Variants in ASH1L observed in about 807,000 individuals in gnomAD.
The protein encoded by ASH1L is histone-lysine N-methyltransferase ASH1L.
In ASH1L, 23 loss-of-function variants were observed where a neutral mutation model predicts 269.0. The observed-to-expected ratio is 0.09, with a 90% CI of 0.06 to 0.12. ASH1L has a LOEUF of 0.12. ASH1L is among the 10% of genes least tolerant of loss of function. ASH1L has a pLI of 1.00. For missense variants in ASH1L, 2,912 were observed against 3,567.8 expected (o/e 0.82, Z 4.68); for synonymous variants, 1,187 against 1,253.5 (o/e 0.95, Z 1.12).
chr1:155,523,506 T>G (rs758205908), intron 1 of ASH1L, among the ~76,000 whole-genome samples: 1 of 152,158 alleles, frequency 6.6e-6, no homozygotes, highest in African/African-American at 2.4e-5. Flanking sequence ...GAAAAAATAG[T>G]TGTCTTATGA....
intron 10 of ASH1L, among the ~76,000 whole-genome samples, chr1:155,371,296 C>T (rs1655919893): frequency 6.6e-6 from 1 of 152,060 alleles, no homozygotes; most frequent in South Asian, 2.1e-4. Context: ...GCCTGTAATC[C>T]CAGCACTTTG....
intron 2 of ASH1L, among the ~76,000 whole-genome samples, chr1:155,504,309 T>G (rs1667685285): frequency 6.6e-6 from 1 of 152,174 alleles, no homozygotes; most frequent in South Asian, 2.1e-4. Flanking sequence ...GCTTTGCCAG[T>G]TGTACCCTGA....
chr1:155,538,490 C>T (rs1277546305), intron 1 of ASH1L, among the ~76,000 whole-genome samples: 3 of 151,600 alleles, frequency 2.0e-5, no homozygotes, highest in Admixed American at 6.6e-5. Flanking sequence ...CCCGAGTAGC[C>T]GGGACTACAG....
At position 155,480,900 on chromosome 1, in the gene ASH1L, G is replaced by A; in HGVS notation, c.1970C>T (p.Thr657Ile). The change falls in exon 3 of 28, where the codon ACT becomes ATT. Residue 657 changes from threonine to isoleucine, a missense_variant. By Grantham distance (89) the Thr-to-Ile change is moderately conservative. Around this residue, in one of 13 missense-constraint regions of ASH1L, gnomAD observed 715 missense variants for 721.0 expected, o/e 0.99. Transcript: ENST00000392403. ...AATAGTATGAATGCTGGATTCAGAA[G>A]TCAAACTTGGCTTTTTTCCAAGGGA... ...SSSLGKKPSL[T>I]SESSIHTITP... 1.9e-6 allele frequency: 3 copies of A among 1,613,912 alleles called. No individual in the cohort carries two copies. The highest frequency in any genetic ancestry group is 2.2e-5 in the South Asian group (2 of 91,018).
chr1:155,555,434 T>C (rs2148920563), intron 1 of ASH1L, among the ~76,000 whole-genome samples: 1 of 146,832 alleles, frequency 6.8e-6, no homozygotes, highest in African/African-American at 2.5e-5. Flanking sequence ...GAGGCAGAGG[T>C]TGCAGTGAGC....
intron 19 of ASH1L, 40 bp downstream of exon 19, chr1:155,349,287 A>C: frequency 6.3e-7 from 1 of 1,590,432 alleles, no homozygotes; most frequent in Non-Finnish European, 8.6e-7. Context: ...TTCTTTTCAG[A>C]ACAAACTTGT....
In ASH1L at chr1:155,546,205, C is replaced by A. The variant is rs1670810205; in HGVS notation, c.-100+15948G>T. On this transcript the variant is annotated intron_variant, in intron 1 of 27. Transcript: ENST00000392403. Reference sequence around the variant, plus strand: ...AATTAGCCAGGTGTGGTGGCATGCACCTGTGGTCCCAGCTACGTGGTAGGC... The same window carrying A: ...AATTAGCCAGGTGTGGTGGCATGCAACTGTGGTCCCAGCTACGTGGTAGGC... Among the ~76,000 whole-genome samples, 3 of 148,564 alleles carry A rather than the reference C, an allele frequency of 2.0e-5. No homozygotes were observed. In the Admixed American group the frequency reaches 2.0e-4, roughly 10 times the overall value.
At chr1:155,408,531 A>C (rs1474189150) in intron 6 of ASH1L, among the ~76,000 whole-genome samples, 5 of 152,168 alleles carry the variant, frequency 3.3e-5, no homozygotes, top group Admixed American at 2.6e-4. Flanking sequence ...CAAGTCTGAT[A>C]AACAACAGCA....
chr1:155,345,877 G>C (rs1322236469), intron 21 of ASH1L: 2 of 229,828 alleles, frequency 8.7e-6, no homozygotes, highest in Non-Finnish European at 1.7e-5. Context: ...TGTCGCCCAG[G>C]CTGGAGTGCA....
At chr1:155,454,213 CTCA>C (rs937586448) in intron 4 of ASH1L, among the ~76,000 whole-genome samples, 25 of 152,184 alleles carry the variant, frequency 1.6e-4, no homozygotes, top group African/African-American at 6.0e-4. Flanking sequence ...AAGTAGTAGC[CTCA>C]TGTTACAGAT....
At chr1:155,416,072 CTT>C (rs918999509) in intron 5 of ASH1L, 149 bp from the exon 6 acceptor site, 1 of 569,706 alleles carries the variant, frequency 1.8e-6, no homozygotes, top group African/African-American at 2.0e-5. Context: ...TGGTACCAGA[CTT>C]CTCCTGACAA....
chr1:155,424,100 G>C (rs895651110), intron 5 of ASH1L, among the ~76,000 whole-genome samples: 3 of 152,102 alleles, frequency 2.0e-5, no homozygotes, highest in African/African-American at 7.2e-5. Context: ...TCAACTTTTT[G>C]TTTTCTTGTA....
intron 6 of ASH1L, among the ~76,000 whole-genome samples, chr1:155,398,585 A>G (rs1361622277): frequency 6.6e-6 from 1 of 152,212 alleles, no homozygotes; most frequent in Non-Finnish European, 1.5e-5. Flanking sequence ...GCTCTGGGTG[A>G]GTCAGTGAGT....
In ASH1L at chr1:155,485,954, T is replaced by C. The variant is rs185486206; in HGVS notation, c.421-3505A>G. Among the ~76,000 whole-genome samples, 35 of 150,700 alleles carry C rather than the reference T, an allele frequency of 2.3e-4. 1 individual carries two copies. The East Asian group carries it at 4.8e-3, about 21-fold the overall frequency. The stretch of plus-strand genomic sequence containing the variant: ...AATTTCCCATAATGAAATGTGTCTA[T>C]TGAAAAAAAAAAAAAAGTTCTTCCT... On this transcript the variant is annotated intron_variant, in intron 2 of 27. Transcript: ENST00000392403.
At chr1:155,546,372 G>A (rs1670828733) in intron 1 of ASH1L, among the ~76,000 whole-genome samples, 1 of 151,902 alleles carries the variant, frequency 6.6e-6, no homozygotes, top group Non-Finnish European at 1.5e-5. Context: ...TAATGGTAAA[G>A]GGGAAAGGGA....
intron 10 of ASH1L, among the ~76,000 whole-genome samples, chr1:155,372,382 C>T (rs1656040057): frequency 6.6e-6 from 1 of 151,098 alleles, no homozygotes; most frequent in Admixed American, 6.6e-5. Flanking sequence ...AATTTCAGCT[C>T]ACTACAACCT....
intron 12 of ASH1L, among the ~76,000 whole-genome samples, chr1:155,369,918 C>A (rs903817151): frequency 1.3e-5 from 2 of 152,004 alleles, no homozygotes; most frequent in African/African-American, 4.8e-5. Flanking sequence ...TATAGGTGCA[C>A]GCTACCATGA....
chr1:155,517,791 TTC>T (rs1491576210), intron 2 of ASH1L, among the ~76,000 whole-genome samples: 1 of 144,476 alleles, frequency 6.9e-6, no homozygotes, highest in Non-Finnish European at 1.5e-5. Flanking sequence ...GGCCAATAAT[TTC>T]TTTTTTTTTT....
chr1:155,370,352 G>A (rs538120302), intron 12 of ASH1L, 152 bp downstream of exon 12: 453 of 878,322 alleles, frequency 5.2e-4, no homozygotes, highest in Non-Finnish European at 6.8e-4. Context: ...GGGTGAAAAC[G>A]AAGCAGCTTA....
Sources: allele counts gnomAD v4.1 joint callset (sites outside exome capture counted in the v4.1 genomes callset), GRCh38; gene constraint gnomAD v4.1.1; regional missense constraint gnomAD v4.1.1; transcripts MANE v1.5; gene names NCBI Gene and HGNC (gene_info 2026-07-23, HGNC 2026-07-21).